The following CALN1 variants were observed in gnomAD, a reference collection of about 807,000 sequenced individuals.
CALN1 encodes the protein calcium-binding protein 8.
Under a neutral mutation model 30.6 loss-of-function variants are expected in CALN1, and 17 were observed. That is an observed-to-expected ratio of 0.56 (90% CI 0.38 to 0.83). The LOEUF is 0.83. Among genes scored for constraint, CALN1 ranks in the 40% least tolerant of loss-of-function variants. CALN1 has a pLI of 0.00. For missense variants in CALN1, 291 were observed against 354.9 expected, an observed-to-expected ratio of 0.82 and a Z score of 1.45; for synonymous variants, 156 against 131.4, an observed-to-expected ratio of 1.19 and a Z score of -1.28.
chr7:72,049,992 T>G (rs1802736427), intron 4 of CALN1, among the ~76,000 whole-genome samples: 1 of 150,932 alleles, frequency 6.6e-6, no homozygotes, highest in South Asian at 2.1e-4. Flanking sequence ...TTTTTTTTTG[T>G]ATGTTTAGTG....
intron 1 of CALN1, among the ~76,000 whole-genome samples, chr7:72,423,599 A>C (rs1338647216): frequency 6.6e-6 from 1 of 152,188 alleles, no homozygotes; most frequent in Non-Finnish European, 1.5e-5. Context: ...AGGGTCTGGC[A>C]TCTGATGCCC....
chr7:72,072,717 T>G (rs1804483436), intron 4 of CALN1, among the ~76,000 whole-genome samples: 1 of 152,174 alleles, frequency 6.6e-6, no homozygotes, highest in African/African-American at 2.4e-5. Context: ...ATTTATAGTT[T>G]TGCCCATATA....
rs1188439893 is a variant in CALN1, at chr7:71,786,589, T to C, written c.*1186A>G. ...CCCAACCTCCTGAAAATGAGTCAGT[T>C]GCAGAATCTGAAGGCCAGAAGATCT... On this transcript the variant is annotated 3_prime_UTR_variant, in exon 7 of 7. Transcript: ENST00000395275. The C allele has an allele frequency of 6.6e-6, 1 of 152,236 alleles. No individual in the cohort carries two copies. Among genetic ancestry groups the C allele is most frequent in the East Asian group, 1.9e-4 (1 of 5,192 alleles). 9.4% of individuals were successfully genotyped at this position (152,236 alleles called of 1,614,324 possible).
intron 5 of CALN1, among the ~76,000 whole-genome samples, chr7:71,828,718 A>ATGTGTGTGTGTGTG (rs146892125): frequency 3.5e-5 from 5 of 144,306 alleles, no homozygotes; most frequent in African/African-American, 1.3e-4. Flanking sequence ...ATATATGTAT[A>ATGTGTGTGTGTGTG]TGTGTGTGTG....
At chr7:71,830,759 CT>C (rs1789225609) in intron 5 of CALN1, among the ~76,000 whole-genome samples, 1 of 152,218 alleles carries the variant, frequency 6.6e-6, no homozygotes, top group Non-Finnish European at 1.5e-5. Flanking sequence ...CTAAACTTCT[CT>C]GTTCCTTAGC....
Position 72,132,606 on chromosome 7 carries a change from C to T in CALN1, c.245-26312G>A, listed in dbSNP as rs114510755. 1.7e-3 allele frequency among the ~76,000 whole-genome samples: 261 copies of T among 152,276 alleles called. 1 individual carries two copies. Among genetic ancestry groups the T allele is most frequent in the African/African-American group, 6.0e-3 (249 of 41,552 alleles). On this transcript the variant is annotated intron_variant, in intron 3 of 6. Coordinates refer to ENST00000395275, the MANE Select transcript of CALN1 (RefSeq NM_031468.4). ...TGCATCTTGCACAGGCAGTGTTTCT[C>T]GCCGGCAGCTGCACAGCCAGTCTAC... is the stretch of plus-strand genomic sequence containing the variant.
intron 3 of CALN1, among the ~76,000 whole-genome samples, chr7:72,270,130 G>C (rs928434925): frequency 2.6e-5 from 4 of 151,620 alleles, no homozygotes; most frequent in African/African-American, 9.7e-5. Flanking sequence ...TGTGTGTGTT[G>C]AGAGAGAGAA....
chr7:72,433,291 G>A (rs562931860), intron 1 of CALN1, among the ~76,000 whole-genome samples: 63 of 152,206 alleles, frequency 4.1e-4, no homozygotes, highest in African/African-American at 1.4e-3. Flanking sequence ...ACATCCACAA[G>A]ACAGCAGGAA....
At chr7:72,203,977 C>CTTTTTTTT (rs1562730815) in intron 3 of CALN1, among the ~76,000 whole-genome samples, 3 of 92,270 alleles carry the variant, frequency 3.3e-5, no homozygotes, top group African/African-American at 1.8e-4. Flanking sequence ...AGAGGCCTCT[C>CTTTTTTTT]TCTTTTTTTT....
chr7:72,294,278 A>G (rs111372772), intron 2 of CALN1, among the ~76,000 whole-genome samples: 3 of 152,294 alleles, frequency 2.0e-5, no homozygotes, highest in African/African-American at 4.8e-5. Context: ...AATGTAATAG[A>G]AAATAAAGTT....
Position 71,830,339 on chromosome 7 carries a change from G to C in CALN1, c.502-19847C>G, listed in dbSNP as rs371149788. 6.4e-5 allele frequency among the ~76,000 whole-genome samples: 9 copies of C among 141,348 alleles called. No individual in the cohort carries two copies. In the East Asian group the frequency reaches 1.3e-3, roughly 20 times the overall value. The allele number at this position is 141,348 out of a possible 152,430, so 92.7% of individuals were successfully genotyped here. ...ATTACAGGCATGAGCCACCGTGTCC[G>C]GCCATCAGTTCTTTTTTTCTTTTTT... On this transcript the variant is annotated intron_variant, in intron 5 of 6. Transcript: ENST00000395275.
chr7:72,268,063 G>GA (rs1796712516), intron 3 of CALN1, among the ~76,000 whole-genome samples: 1 of 152,174 alleles, frequency 6.6e-6, no homozygotes, highest in Non-Finnish European at 1.5e-5. Flanking sequence ...TAGGATGATT[G>GA]AAAAGGTTAA....
chr7:72,090,585 C>T (rs533407710), intron 4 of CALN1, among the ~76,000 whole-genome samples: 7 of 152,110 alleles, frequency 4.6e-5, no homozygotes, highest in Non-Finnish European at 1.0e-4. Context: ...AACAAATACA[C>T]AACAAAAACC....
the CALN1 span, among the ~76,000 whole-genome samples, chr7:72,453,466 C>A: frequency 6.6e-6 from 1 of 152,186 alleles, no homozygotes; most frequent in Non-Finnish European, 1.5e-5. Context: ...GTTGCCATGG[C>A]AATGGTAAAC....
rs984481114 is a variant in CALN1 at position 71,782,931 on chromosome 7, G to T, written c.*4844C>A. On this transcript the variant is annotated 3_prime_UTR_variant, in exon 7 of 7. Transcript: ENST00000395275. Reference sequence around the variant, plus strand: ...CTAATTTTTGTATTTTTTTTTTTTAGTAGAGATGGGGTTTCACCACGTTGG... The same window carrying T: ...CTAATTTTTGTATTTTTTTTTTTTATTAGAGATGGGGTTTCACCACGTTGG... The T allele has an allele frequency of 6.6e-6, 1 of 151,008 alleles. No individual in the cohort carries two copies. Among genetic ancestry groups the T allele is most frequent in the Non-Finnish European group, 1.5e-5 (1 of 67,832 alleles). The allele number at this position is 151,008 out of a possible 1,614,324, so 9.4% of individuals were successfully genotyped here. A position where few individuals can be genotyped will look rare whatever the true frequency, so the allele number is the denominator to read the frequency against.
intron 3 of CALN1, among the ~76,000 whole-genome samples, chr7:72,145,560 CATTCCTTCTGAAACT>C (rs1045567950): frequency 1.3e-5 from 2 of 152,150 alleles, no homozygotes; most frequent in African/African-American, 4.8e-5. Context: ...GAGCTGGTAC[CATTCCTTCTGAAACT>C]ATTCCAATCA....
intron 6 of CALN1, among the ~76,000 whole-genome samples, chr7:71,789,028 C>T (rs1392966493): frequency 6.6e-6 from 1 of 152,098 alleles, no homozygotes; most frequent in African/African-American, 2.4e-5. Flanking sequence ...ATCTCAAACT[C>T]CTGAGCTCAA....
chr7:71,947,738 C>T (rs986274693), intron 5 of CALN1, among the ~76,000 whole-genome samples: 2 of 151,910 alleles, frequency 1.3e-5, no homozygotes, highest in Admixed American at 6.6e-5. Context: ...GTCAGGAGTT[C>T]GAGACCAGCC....
intron 5 of CALN1, among the ~76,000 whole-genome samples, chr7:71,857,219 C>T (rs977304111): frequency 6.6e-6 from 1 of 152,140 alleles, no homozygotes; most frequent in Admixed American, 6.5e-5. Context: ...GTTAAATAAT[C>T]TCACAAATGG....
Sources: gnomAD v4.1 joint callset for allele counts (sites outside exome capture counted in the v4.1 genomes callset) on GRCh38, gnomAD v4.1.1 for gene constraint, MANE v1.5 for transcripts, NCBI Gene and HGNC (gene_info 2026-07-23, HGNC 2026-07-21) for gene names.